Variants in LIMS1 observed in about 807,000 individuals in gnomAD.
The protein encoded by LIMS1 is LIM zinc finger domain containing 1.
LIMS1 carries 18 observed loss-of-function variants against 44.1 expected under a neutral mutation model. The observed-to-expected ratio is 0.41, with a 90% CI of 0.28 to 0.61. The LOEUF (loss-of-function observed/expected upper bound fraction) is 0.61, where lower values mean the gene tolerates loss of function less well. Among genes scored for constraint, LIMS1 ranks in the 20% least tolerant of loss-of-function variants. The pLI is 0.32. For missense variants in LIMS1, 201 were observed against 422.0 expected, an observed-to-expected ratio of 0.48 and a Z score of 4.59; for synonymous variants, 93 against 149.1, an observed-to-expected ratio of 0.62 and a Z score of 2.74.
At chr2:108,643,244 C>T (rs1689829084) in intron 1 of LIMS1, among the ~76,000 whole-genome samples, 1 of 152,154 alleles carries the variant, frequency 6.6e-6, no homozygotes, top group African/African-American at 2.4e-5. Context: ...TCTGCAGCTC[C>T]CAGCAAGATT....
At chr2:108,641,073 T>C (rs574819207) in intron 1 of LIMS1, among the ~76,000 whole-genome samples, 19 of 152,326 alleles carry the variant, frequency 1.2e-4, no homozygotes, top group African/African-American at 4.3e-4. Flanking sequence ...CTTAACATAA[T>C]GTACCCCGGG....
At chr2:108,636,520 G>A (rs1433558769) in intron 1 of LIMS1, among the ~76,000 whole-genome samples, 2 of 152,210 alleles carry the variant, frequency 1.3e-5, no homozygotes, top group African/African-American at 2.4e-5. Flanking sequence ...TGTCTCTCCA[G>A]CACCCTCTAC....
chr2:108,599,484 A>AT (rs1686886730), intron 1 of LIMS1, among the ~76,000 whole-genome samples: 1 of 152,054 alleles, frequency 6.6e-6, no homozygotes, highest in Non-Finnish European at 1.5e-5. Flanking sequence ...GGCTATTGTG[A>AT]TCAGTGCTGC....
chr2:108,664,063 C>T (rs1389420976), intron 2 of LIMS1, among the ~76,000 whole-genome samples: 3 of 152,080 alleles, frequency 2.0e-5, no homozygotes, highest in Admixed American at 1.3e-4. Context: ...CAGGAAAGAC[C>T]CGTTTATGAT....
At chr2:108,543,675 T>C (rs1005903055) in intron 1 of LIMS1, among the ~76,000 whole-genome samples, 4 of 152,134 alleles carry the variant, frequency 2.6e-5, no homozygotes, top group African/African-American at 9.7e-5. Context: ...ACTCAGACCT[T>C]AGTTATAGAT....
chr2:108,587,293 TGTGTGTGTGTGTGTGTG>T (rs1686153712), intron 1 of LIMS1, among the ~76,000 whole-genome samples: 4 of 90,184 alleles, frequency 4.4e-5, no homozygotes, highest in South Asian at 3.5e-4. Flanking sequence ...TTGGGGTTTG[TGTGTGTGTGTGTGTGTG>T]TGTGTGTGTG....
At chr2:108,644,742 A>T (rs1558825533) in intron 1 of LIMS1, among the ~76,000 whole-genome samples, 1 of 152,130 alleles carries the variant, frequency 6.6e-6, no homozygotes. Flanking sequence ...AAGGAAGTTA[A>T]GAACGCTGAA....
intron 1 of LIMS1, among the ~76,000 whole-genome samples, chr2:108,552,665 C>G (rs937610619): frequency 2.0e-5 from 3 of 151,188 alleles, no homozygotes; most frequent in Non-Finnish European, 4.4e-5. Flanking sequence ...TCACCACTCA[C>G]TGCAGCCTTG....
At chr2:108,557,096 CAT>C (rs1487400414) in intron 1 of LIMS1, among the ~76,000 whole-genome samples, 1 of 152,142 alleles carries the variant, frequency 6.6e-6, no homozygotes, top group African/African-American at 2.4e-5. Context: ...CTACCCTTGA[CAT>C]ATAGGGTCTC....
chr2:108,560,331 G>A (rs1685068788), intron 1 of LIMS1, among the ~76,000 whole-genome samples: 1 of 152,102 alleles, frequency 6.6e-6, no homozygotes, highest in Non-Finnish European at 1.5e-5. Flanking sequence ...TTTACCCTAA[G>A]GAAAAGCCGT....
intron 1 of LIMS1, among the ~76,000 whole-genome samples, chr2:108,581,884 C>T (rs1294444980): frequency 3.3e-5 from 5 of 151,578 alleles, no homozygotes; most frequent in Non-Finnish European, 7.4e-5. Context: ...TTGCAGTGAG[C>T]CAAGATTGTG....
At chr2:108,576,264 A>AGTTTTGTTTT (rs10628741) in intron 1 of LIMS1, among the ~76,000 whole-genome samples, 68 of 152,100 alleles carry the variant, frequency 4.5e-4, no homozygotes, top group African/African-American at 1.6e-3. Flanking sequence ...CAACTAAGCA[A>AGTTTTGTTTT]GTTTTGTTTT....
chr2:108,587,288 GTT>G lies in LIMS1; in HGVS notation c.32+52696_32+52697del, dbSNP rs1456842400. ...AAAAGTGATGAGTTGTTTTCTTGGG[GTT>G]TGTGTGTGTGTGTGTGTGTGTGTGT... is the stretch of plus-strand genomic sequence containing the variant. On this transcript the variant is annotated intron_variant, in intron 1 of 9. Transcript: ENST00000544547. 2.1e-3 allele frequency among the ~76,000 whole-genome samples: 165 copies of G among 79,378 alleles called. 1 individual carries two copies. The highest frequency in any genetic ancestry group is 5.5e-3 in the African/African-American group (154 of 27,954). 52.1% of individuals were successfully genotyped at this position (79,378 alleles called of 152,430 possible). A position where few individuals can be genotyped will look rare whatever the true frequency, so the allele number is the denominator to read the frequency against.
intron 1 of LIMS1, among the ~76,000 whole-genome samples, chr2:108,542,189 A>AGT (rs1386134328): frequency 4.6e-5 from 7 of 152,196 alleles, no homozygotes; most frequent in African/African-American, 1.7e-4. Flanking sequence ...TTGACTCTAC[A>AGT]GTGTATTACA....
chr2:108,664,921 A>G (rs1691643021), intron 2 of LIMS1, among the ~76,000 whole-genome samples: 1 of 152,180 alleles, frequency 6.6e-6, no homozygotes, highest in Non-Finnish European at 1.5e-5. Context: ...GCCTGAAAAC[A>G]TATTTATATT....
At chr2:108,609,444 C>G (rs1377574126) in intron 1 of LIMS1, among the ~76,000 whole-genome samples, 1 of 152,140 alleles carries the variant, frequency 6.6e-6, no homozygotes, top group East Asian at 1.9e-4. Flanking sequence ...TCTTCAAAAG[C>G]TGACTCTAAA....
intron 1 of LIMS1, among the ~76,000 whole-genome samples, chr2:108,585,189 T>C (rs2718718): frequency 0.17 from 24,403 of 146,124 alleles, 2,361 homozygotes; most frequent in African/African-American, 0.26. Flanking sequence ...CCAGGCGATA[T>C]AGGGTTTTGT....
intron 1 of LIMS1, among the ~76,000 whole-genome samples, chr2:108,622,747 C>T (rs1688323276): frequency 1.3e-5 from 2 of 152,064 alleles, no homozygotes; most frequent in Admixed American, 1.3e-4. Context: ...TTGGTAGACT[C>T]CAGTCTACAA....
chr2:108,642,342 G>GTTT lies in LIMS1; in HGVS notation c.33-17250_33-17248dup, dbSNP rs764932432. 6.1e-3 allele frequency among the ~76,000 whole-genome samples: 91 copies of GTTT among 14,954 alleles called. 1 individual carries two copies. Among genetic ancestry groups the GTTT allele is most frequent in the African/African-American group, 0.01 (77 of 7,376 alleles). The allele number at this position is 14,954 out of a possible 152,430, so 9.8% of individuals were successfully genotyped here. ...TAATTTTAAGCTACTAGTGTTTTTT[G>GTTT]TTTTTTTTTTTTTTTGTTTTTTGTT... is the stretch of plus-strand genomic sequence containing the variant. On this transcript the variant is annotated intron_variant, in intron 1 of 9. Coordinates refer to ENST00000544547, the Ensembl canonical transcript of LIMS1.
Sources: allele counts gnomAD v4.1 joint callset (sites outside exome capture counted in the v4.1 genomes callset), GRCh38; gene constraint gnomAD v4.1.1; transcripts MANE v1.5; gene names NCBI Gene and HGNC (gene_info 2026-07-23, HGNC 2026-07-21).